Variants in SENP6 observed in about 807,000 individuals in gnomAD.
SENP6 encodes sentrin-specific protease 6.
Under a neutral mutation model 134.5 loss-of-function variants are expected in SENP6, and 41 were observed. That is an observed-to-expected ratio of 0.30 (90% CI 0.24 to 0.40). The LOEUF (loss-of-function observed/expected upper bound fraction) is 0.40. Among genes scored for constraint, SENP6 ranks in the 10% least tolerant of loss-of-function variants. SENP6 has a pLI of 1.00. For missense variants in SENP6, 1,248 were observed against 1,312.5 expected (o/e 0.95, Z 0.76); for synonymous variants, 395 against 429.8 (o/e 0.92, Z 1.00).
chr6:75,640,676 G>C lies in SENP6; in HGVS notation c.459-8G>C, dbSNP rs1444931391. The C allele has an allele frequency of 6.6e-7, 1 of 1,524,632 alleles. No homozygotes were observed. The highest frequency in any genetic ancestry group is 1.9e-5 in the Admixed American group (1 of 52,328). 94.4% of individuals were successfully genotyped at this position (1,524,632 alleles called of 1,614,324 possible). ...CTCTTATATTTTTTTTCTTTTTCAT[G>C]TTTTAAGCAGTCTGGACCGAAAAGA... is the stretch of plus-strand genomic sequence containing the variant. On this transcript the variant is annotated splice_region_variant and splice_polypyrimidine_tract_variant and intron_variant, in intron 5 of 23. Transcript: ENST00000447266.
chr6:75,635,131 G>A (rs1310337587), intron 5 of SENP6: 1 of 368,722 alleles, frequency 2.7e-6, no homozygotes, highest in East Asian at 6.4e-5. Flanking sequence ...TGGTAGTTTA[G>A]CTCTGAAGAG....
intron 3 of SENP6, among the ~76,000 whole-genome samples, chr6:75,625,204 C>T (rs1192663728): frequency 2.7e-5 from 4 of 150,454 alleles, no homozygotes; most frequent in African/African-American, 9.8e-5. Context: ...CTCTGTCTCC[C>T]GGGTTCAAAC....
rs1773158525 is a variant in SENP6, at chr6:75,677,318, G to A, written c.1848+62G>A. ...TGTGGGTAGTTTTAAAGGGAAATAT[G>A]TTTTATTTTAATACTGTTCATTTCA... is the stretch of plus-strand genomic sequence containing the variant. On this transcript the variant is annotated intron_variant, in intron 14 of 23. Transcript: ENST00000447266. 7.2e-6 allele frequency: 8 copies of A among 1,117,322 alleles called. No individual in the cohort carries two copies. In the East Asian group the frequency reaches 1.6e-4, roughly 22 times the overall value. 69.2% of individuals were successfully genotyped at this position (1,117,322 alleles called of 1,614,324 possible).
Position 75,634,816 on chromosome 6 carries a change from G to C in SENP6, c.458+5G>C. The C allele has an allele frequency of 6.4e-7, 1 of 1,563,404 alleles. No homozygotes were observed. Among genetic ancestry groups the C allele is most frequent in the Non-Finnish European group, 8.7e-7 (1 of 1,145,146 alleles). ...AGTAAAAACAGCAGCCCAAAGGTAA[G>C]AATTCTAATTGTCTTTGGTTAGTAT... On this transcript the variant is annotated splice_donor_5th_base_variant and intron_variant, in intron 5 of 23. Transcript: ENST00000447266.
chr6:75,699,208 CT>C (rs1774856663), intron 18 of SENP6, among the ~76,000 whole-genome samples: 1 of 150,300 alleles, frequency 6.7e-6, no homozygotes, highest in African/African-American at 2.4e-5. Flanking sequence ...GCGCATCCCT[CT>C]TAGTCACTAT....
chr6:75,654,532 G>C (rs1771163861), intron 7 of SENP6, among the ~76,000 whole-genome samples: 1 of 152,206 alleles, frequency 6.6e-6, no homozygotes, highest in Non-Finnish European at 1.5e-5. Context: ...AGAAGATAAT[G>C]AGAATGTGAT....
chr6:75,693,461 A>G lies in SENP6; in HGVS notation c.2076-2343A>G, dbSNP rs552911957. ...AGTAGCCATTATAGTTTGGGCCAGC[A>G]AAAGTCTCATGGTTCACTCATTACA... On this transcript the variant is annotated intron_variant, in intron 16 of 23. Coordinates refer to ENST00000447266, the MANE Select transcript of SENP6 (RefSeq NM_015571.4). Among the ~76,000 whole-genome samples the G allele has an allele frequency of 2.8e-4, 42 of 151,972 alleles. 2 individuals carry two copies. In the South Asian group the frequency reaches 8.5e-3, roughly 31 times the overall value.
intron 8 of SENP6, 53 bp from the exon 9 acceptor site, chr6:75,663,168 A>G (rs1582800913): frequency 1.3e-6 from 2 of 1,503,536 alleles, no homozygotes; most frequent in East Asian, 4.5e-5. Flanking sequence ...AAATGTGGAA[A>G]GGAAAAAGAA....
intron 3 of SENP6, 105 bp from the exon 4 acceptor site, chr6:75,633,476 C>T: frequency 1.1e-6 from 1 of 919,176 alleles, no homozygotes; most frequent in East Asian, 2.8e-5. Flanking sequence ...CCATCATTCC[C>T]AATAGCTGTA....
intron 6 of SENP6, chr6:75,644,043 G>A (rs1770234589): frequency 6.6e-6 from 1 of 152,148 alleles, no homozygotes; most frequent in African/African-American, 2.4e-5. Flanking sequence ...CACAGAATGA[G>A]TATGGTATCA....
intron 3 of SENP6, among the ~76,000 whole-genome samples, chr6:75,632,177 ATC>A (rs1769161235): frequency 6.6e-6 from 1 of 152,188 alleles, no homozygotes; most frequent in Admixed American, 6.6e-5. Flanking sequence ...ATTATTCATA[ATC>A]TCTGAAAAAT....
intron 12 of SENP6, 170 bp downstream of exon 12, chr6:75,675,638 C>G: frequency 1.4e-6 from 1 of 702,200 alleles, no homozygotes; most frequent in Non-Finnish European, 2.3e-6. Flanking sequence ...AGAAATATCA[C>G]AGAACCTAAC....
intron 23 of SENP6, among the ~76,000 whole-genome samples, chr6:75,714,028 C>T (rs1375366046): frequency 6.6e-6 from 1 of 152,150 alleles, no homozygotes; most frequent in African/African-American, 2.4e-5. Context: ...AAATCCAAGG[C>T]TTGTTGAGCT....
Position 75,702,980 on chromosome 6 carries a change from A to T in SENP6, c.2624A>T (p.Asn875Ile). ...NHTASENEEF[N>I]KGESTSQKVA... The stretch of plus-strand genomic sequence containing the variant: ...ACTGCGAGTGAAAATGAAGAATTCA[A>T]TAAAGGAGAATCTACATCCCAGAAA... Residue 875 changes from asparagine to isoleucine, a missense_variant, in exon 19 of 24, where the codon AAT (asparagine) becomes ATT (isoleucine). Asn to Ile is a moderately radical substitution (Grantham distance 149). Around this residue, in one of 3 missense-constraint regions of SENP6, gnomAD observed 386 missense variants for 395.0 expected, o/e 0.98. Transcript: ENST00000447266. 1.2e-6 allele frequency: 2 copies of T among 1,614,020 alleles called. No homozygotes were observed. The highest frequency in any genetic ancestry group is 1.7e-6 in the Non-Finnish European group (2 of 1,179,872).
At chr6:75,637,860 T>A (rs1769644774) in intron 5 of SENP6, among the ~76,000 whole-genome samples, 1 of 151,410 alleles carries the variant, frequency 6.6e-6, no homozygotes, top group African/African-American at 2.4e-5. Context: ...TTTTGAGAGG[T>A]TTTTTGTGTT....
At chr6:75,659,493 T>G in intron 8 of SENP6, 86 bp downstream of exon 8, 2 of 1,274,410 alleles carry the variant, frequency 1.6e-6, no homozygotes, top group Non-Finnish European at 2.2e-6. Flanking sequence ...CTAGGTGATC[T>G]TTTATCATAG....
rs540815223 is a variant in SENP6 at position 75,691,158 on chromosome 6, T to C, written c.2076-4646T>C. Among the ~76,000 whole-genome samples the C allele has an allele frequency of 6.6e-5, 10 of 151,604 alleles. No homozygotes were observed. In the East Asian group the frequency reaches 1.4e-3, roughly 21 times the overall value. The stretch of plus-strand genomic sequence containing the variant: ...CCCAGCTAAAATTTTTTTTTTTTTT[T>C]CAAAGACAGATTCTTACTTTGTCGT... On this transcript the variant is annotated intron_variant, in intron 16 of 23. Coordinates refer to ENST00000447266, the MANE Select transcript of SENP6 (RefSeq NM_015571.4).
intron 1 of SENP6, chr6:75,612,031 A>G (rs989775018): frequency 2.0e-5 from 3 of 152,212 alleles, no homozygotes; most frequent in African/African-American, 4.8e-5. Context: ...TGTCTTCTAT[A>G]CCAAGAGATA....
intron 16 of SENP6, among the ~76,000 whole-genome samples, chr6:75,687,315 G>A (rs1312273975): frequency 6.6e-6 from 1 of 152,016 alleles, no homozygotes; most frequent in Non-Finnish European, 1.5e-5. Flanking sequence ...TTTTCATGGT[G>A]TTTAGCTTCC....
Sources: gnomAD v4.1 joint callset for allele counts (sites outside exome capture counted in the v4.1 genomes callset) on GRCh38, gnomAD v4.1.1 for gene constraint, gnomAD v4.1.1 regional missense constraint, MANE v1.5 for transcripts, NCBI Gene and HGNC (gene_info 2026-07-23, HGNC 2026-07-21) for gene names.